DZIP1: variants seen among roughly 807,000 people sequenced by gnomAD.
The protein encoded by DZIP1 is DAZ interacting zinc finger protein 1, also known as cilium assembly protein DZIP1.
DZIP1 carries 97 observed loss-of-function variants against 107.6 expected under a neutral mutation model. The observed-to-expected ratio is 0.90, with a 90% CI of 0.77 to 1.07. The LOEUF is 1.07. Ranked by LOEUF, DZIP1 falls within the 50% of genes least tolerant of loss-of-function variation. DZIP1 has a pLI of 0.00. For missense variants in DZIP1, 1,035 were observed against 1,063.6 expected (o/e 0.97, Z 0.37); for synonymous variants, 390 against 386.4 (o/e 1.01, Z -0.11).
Position 95,641,835 on chromosome 13 carries a change from G to A in DZIP1, c.57C>T (p.Tyr19=). Residue 19 remains tyrosine, a synonymous_variant, in exon 5 of 23, where the codon TAC becomes TAT. Coordinates refer to ENST00000376829, the MANE Select transcript of DZIP1 (RefSeq NM_198968.4). This position sits in a 1 kb window ranked among gnomAD's most constrained non-coding sequence, Gnocchi z 4.3. ...FSSMPFQKHV[Y]YPLASGPEGP... ...CCTCTGGGCCGCTGGCGAGCGGGTA[G>A]TAGACATGCTTCTGGAAGGGCTGCG... The A allele has an allele frequency of 1.5e-6, 2 of 1,378,316 alleles. No individual in the cohort carries two copies. Among genetic ancestry groups the A allele is most frequent in the South Asian group, 2.9e-5 (2 of 68,058 alleles). 85.4% of individuals were successfully genotyped at this position (1,378,316 alleles called of 1,614,324 possible).
Position 95,641,778 on chromosome 13 carries a change from CGCG to C in DZIP1, c.111_113del (p.Ala38del), listed in dbSNP as rs748909193. The stretch of plus-strand genomic sequence containing the variant: ...GCGCACAGGCCATGGAGGCCGCACC[CGCG>C]GCGGCGGCGGCCACAGCGACGTCGG... On this transcript the variant is annotated inframe_deletion, in exon 5 of 23. Coordinates refer to ENST00000376829, the MANE Select transcript of DZIP1 (RefSeq NM_198968.4). The surrounding 1 kb of genome is among the most constrained non-coding windows in gnomAD (Gnocchi z 4.3). The C allele has an allele frequency of 3.2e-5, 49 of 1,538,678 alleles. No individual in the cohort carries two copies. The highest frequency in any genetic ancestry group is 1.9e-4 in the Admixed American group (9 of 47,866).
intron 7 of DZIP1, among the ~76,000 whole-genome samples, chr13:95,628,497 G>A (rs1052204669): frequency 2.0e-5 from 3 of 152,168 alleles, no homozygotes; most frequent in Non-Finnish European, 4.4e-5. Context: ...TAGAGAGATG[G>A]TAGTTGCACA....
At position 95,642,148 on chromosome 13, in the gene DZIP1, C is replaced by G; in HGVS notation, c.-119G>C. 1 of 1,341,310 alleles carries G rather than the reference C, an allele frequency of 7.5e-7. No homozygotes were observed. The highest frequency in any genetic ancestry group is 3.0e-5 in the East Asian group (1 of 32,874). The allele number at this position is 1,341,310 out of a possible 1,614,324, so 83.1% of individuals were successfully genotyped here. On this transcript the variant is annotated 5_prime_UTR_variant, in exon 4 of 23. Transcript: ENST00000376829. ...TTCCGCGGCGGCGGCGGCCTAAGGT[C>G]TGGGCGTCCAGGACGTTGCTATAGC... is the stretch of plus-strand genomic sequence containing the variant.
At chr13:95,587,143 G>A (rs942435468) in intron 20 of DZIP1, among the ~76,000 whole-genome samples, 2 of 152,206 alleles carry the variant, frequency 1.3e-5, no homozygotes, top group Non-Finnish European at 2.9e-5. Flanking sequence ...GAGGGAAGAT[G>A]ATGTGAGGAT....
intron 5 of DZIP1, among the ~76,000 whole-genome samples, chr13:95,634,165 A>G (rs940600418): frequency 6.6e-6 from 1 of 152,142 alleles, no homozygotes; most frequent in Non-Finnish European, 1.5e-5. Flanking sequence ...GAGGCTTTGC[A>G]TTCATTGTTG....
At chr13:95,637,874 A>G (rs1878007985) in intron 5 of DZIP1, among the ~76,000 whole-genome samples, 2 of 152,198 alleles carry the variant, frequency 1.3e-5, no homozygotes, top group Admixed American at 1.3e-4. Context: ...TATCATTTAT[A>G]GAAAATTTTC....
intron 1 of DZIP1, among the ~76,000 whole-genome samples, chr13:95,643,996 G>A (rs891354779): frequency 6.6e-6 from 1 of 152,138 alleles, no homozygotes; most frequent in South Asian, 2.1e-4. Flanking sequence ...GCGTCGTGCC[G>A]CTGACCACCC....
chr13:95,591,602 C>A (rs1362014493), intron 16 of DZIP1, among the ~76,000 whole-genome samples: 2 of 152,148 alleles, frequency 1.3e-5, no homozygotes, highest in African/African-American at 2.4e-5. Context: ...AAGAAGTTTT[C>A]TCTGACCTCA....
chr13:95,597,772 G>A (rs2044499541), intron 15 of DZIP1, among the ~76,000 whole-genome samples: 2 of 152,148 alleles, frequency 1.3e-5, no homozygotes, highest in South Asian at 4.1e-4. Flanking sequence ...ACAACAACCA[G>A]AATTTCTGAG....
rs2044552606 is a variant in DZIP1 at position 95,599,518 on chromosome 13, G to A, written c.1478-94C>T. The A allele has an allele frequency of 7.0e-6, 8 of 1,148,714 alleles. No homozygotes were observed. In the Admixed American group the frequency reaches 1.4e-4, roughly 21 times the overall value. 71.2% of individuals were successfully genotyped at this position (1,148,714 alleles called of 1,614,324 possible). The stretch of plus-strand genomic sequence containing the variant: ...ATGATTTTGAAAGATATCATTCCAT[G>A]GTATTTTAGTCATGCCTGAATAGCA... On this transcript the variant is annotated intron_variant, in intron 14 of 22. Coordinates refer to ENST00000376829, the MANE Select transcript of DZIP1 (RefSeq NM_198968.4).
rs971290207 is a variant in DZIP1, at chr13:95,641,076, C to G, written c.597+219G>C. On this transcript the variant is annotated intron_variant, in intron 5 of 22. Transcript: ENST00000376829. This position sits in a 1 kb window ranked among gnomAD's most constrained non-coding sequence, Gnocchi z 4.3. ...GATAACTTCCATAAAGCACCACAGA[C>G]GACATTTGTTGTTTAATTATTAATC... Among the ~76,000 whole-genome samples, 3 of 152,108 alleles carry G rather than the reference C, an allele frequency of 2.0e-5. No individual in the cohort carries two copies. The highest frequency in any genetic ancestry group is 4.4e-5 in the Non-Finnish European group (3 of 68,042).
intron 5 of DZIP1, among the ~76,000 whole-genome samples, chr13:95,638,862 G>A (rs1203761603): frequency 6.6e-6 from 1 of 152,182 alleles, no homozygotes; most frequent in Non-Finnish European, 1.5e-5. Context: ...TTTCTCAAAG[G>A]TAAAACTGAT....
At chr13:95,584,480 A>G (rs1384166799) in intron 22 of DZIP1, 4 of 661,458 alleles carry the variant, frequency 6.0e-6, no homozygotes, top group Non-Finnish European at 7.6e-6. Flanking sequence ...CGTTTCAAAA[A>G]CAAAAAATAA....
At chr13:95,625,891 G>A (rs114535135) in intron 7 of DZIP1, among the ~76,000 whole-genome samples, 254 of 152,074 alleles carry the variant, frequency 1.7e-3, no homozygotes, top group African/African-American at 5.6e-3. Context: ...GGGAGGCCAC[G>A]GTGGAACGAT....
chr13:95,620,083 G>A, intron 9 of DZIP1, 136 bp from the exon 10 acceptor site: 1 of 857,068 alleles, frequency 1.2e-6, no homozygotes, highest in South Asian at 1.8e-5. Context: ...AAACAGTTTG[G>A]CTCTCGGTCC....
In DZIP1 at chr13:95,603,306, CAAAAAA is replaced by C. The variant is rs34995131; in HGVS notation, c.1477+2691_1477+2696del. Among the ~76,000 whole-genome samples the C allele has an allele frequency of 8.3e-4, 40 of 47,960 alleles. 1 individual carries two copies. Among genetic ancestry groups the C allele is most frequent in the African/African-American group, 2.7e-3 (32 of 11,876 alleles). 31.5% of individuals were successfully genotyped at this position (47,960 alleles called of 152,430 possible). Reference sequence around the variant, plus strand: ...TGGGCGACAGAGAAATGCCCAGTCTCAAAAAAAAAAAAAAAAAAAAAAAAAAAAAGA... The same window carrying C: ...TGGGCGACAGAGAAATGCCCAGTCTCAAAAAAAAAAAAAAAAAAAAAAAGA... On this transcript the variant is annotated intron_variant, in intron 14 of 22. Transcript: ENST00000376829.
chr13:95,608,994 T>G (rs898232547), intron 13 of DZIP1, among the ~76,000 whole-genome samples: 2 of 152,232 alleles, frequency 1.3e-5, no homozygotes, highest in Non-Finnish European at 2.9e-5. Flanking sequence ...TATGTCCTTT[T>G]GTTTTACTGC....
intron 19 of DZIP1, among the ~76,000 whole-genome samples, chr13:95,588,426 G>A (rs1016531309): frequency 2.0e-5 from 3 of 152,134 alleles, no homozygotes; most frequent in African/African-American, 4.8e-5. Flanking sequence ...CCAGAATAAG[G>A]CAATGATGAT....
chr13:95,589,338 C>T (rs2044248531), intron 18 of DZIP1, 131 bp from the exon 19 acceptor site: 2 of 689,334 alleles, frequency 2.9e-6, no homozygotes, highest in Non-Finnish European at 4.9e-6. Context: ...AAAAGTCACC[C>T]AGCGTCAGTT....
Sources: allele counts gnomAD v4.1 joint callset (sites outside exome capture counted in the v4.1 genomes callset), GRCh38; gene constraint gnomAD v4.1.1; non-coding constraint Gnocchi (gnomAD v3.1); transcripts MANE v1.5; gene names NCBI Gene and HGNC (gene_info 2026-07-23, HGNC 2026-07-21).